COL13A1: variants seen among roughly 807,000 people sequenced by gnomAD.
COL13A1 encodes collagen type XIII alpha 1 chain, also known as collagen alpha-1(XIII) chain.
Under a neutral mutation model 130.9 loss-of-function variants are expected in COL13A1, and 89 were observed. The ratio of observed to expected loss-of-function variants is 0.68; its 90% CI spans 0.57 to 0.81. COL13A1 has a LOEUF of 0.81. COL13A1 is among the 30% of genes least tolerant of loss of function. COL13A1 has a pLI of 0.00. For missense variants in COL13A1, 879 were observed against 934.6 expected, an observed-to-expected ratio of 0.94 and a Z score of 0.78; for synonymous variants, 402 against 341.6, an observed-to-expected ratio of 1.18 and a Z score of -1.95.
At chr10:69,870,319 G>T (rs2058934855) in intron 3 of COL13A1, among the ~76,000 whole-genome samples, 1 of 149,008 alleles carries the variant, frequency 6.7e-6, no homozygotes, top group African/African-American at 2.5e-5. Context: ...ACTTTTTTGG[G>T]TGAGAGAGTG....
intron 1 of COL13A1, among the ~76,000 whole-genome samples, chr10:69,803,148 C>T (rs937422988): frequency 3.3e-5 from 5 of 152,176 alleles, no homozygotes; most frequent in African/African-American, 1.2e-4. Context: ...ATGGCCCTCC[C>T]CCTCCACCCC....
intron 17 of COL13A1, among the ~76,000 whole-genome samples, chr10:69,912,428 C>T (rs1288317874): frequency 6.6e-6 from 1 of 152,122 alleles, no homozygotes; most frequent in Non-Finnish European, 1.5e-5. Context: ...GCCTTTTTCC[C>T]GGAAGGAAGA....
At chr10:69,863,684 C>A (rs1304470890) in intron 2 of COL13A1, among the ~76,000 whole-genome samples, 1 of 152,136 alleles carries the variant, frequency 6.6e-6, no homozygotes, top group Admixed American at 6.5e-5. Flanking sequence ...CCCCTTCCAC[C>A]CCTGAGAACT....
At chr10:69,833,961 A>G (rs1053354383) in intron 2 of COL13A1, among the ~76,000 whole-genome samples, 7 of 152,138 alleles carry the variant, frequency 4.6e-5, no homozygotes, top group African/African-American at 1.7e-4. Flanking sequence ...GGTTTCTCAG[A>G]GGGATGTGAT....
At chr10:69,889,717 C>T (rs1371315174) in intron 10 of COL13A1, among the ~76,000 whole-genome samples, 1 of 116,098 alleles carries the variant, frequency 8.6e-6, no homozygotes, top group African/African-American at 3.0e-5. Context: ...GTCCAGCTTA[C>T]TGCTCTCAAA....
chr10:69,911,366 A>T (rs997115008), intron 17 of COL13A1, among the ~76,000 whole-genome samples: 2 of 152,378 alleles, frequency 1.3e-5, no homozygotes, highest in South Asian at 4.1e-4. Flanking sequence ...CTTTGCATGC[A>T]TCAACTTATT....
chr10:69,888,048 G>A (rs1240977914), intron 8 of COL13A1, among the ~76,000 whole-genome samples: 1 of 152,192 alleles, frequency 6.6e-6, no homozygotes, highest in African/African-American at 2.4e-5. Context: ...TGACATTAAT[G>A]GGGAGGCCAC....
intron 15 of COL13A1, 46 bp downstream of exon 15, chr10:69,902,901 C>G (rs2062353494): frequency 7.1e-7 from 1 of 1,408,438 alleles, no homozygotes; most frequent in Non-Finnish European, 9.5e-7. Context: ...CCCAAGAACT[C>G]TCTGGAAACC....
chr10:69,938,193 C>T (rs551838135), intron 34 of COL13A1, among the ~76,000 whole-genome samples: 2 of 152,286 alleles, frequency 1.3e-5, no homozygotes, highest in South Asian at 4.2e-4. Flanking sequence ...TCCCAGCAGG[C>T]CAAGGCCGTT....
chr10:69,858,019 G>A (rs1044066521), intron 2 of COL13A1, among the ~76,000 whole-genome samples: 1 of 149,044 alleles, frequency 6.7e-6, no homozygotes, highest in Non-Finnish European at 1.5e-5. Context: ...AAGAGGCTGA[G>A]GTAGAAGAAT....
chr10:69,816,718 A>G (rs1219409345), intron 1 of COL13A1, among the ~76,000 whole-genome samples: 1 of 152,098 alleles, frequency 6.6e-6, no homozygotes, highest in Non-Finnish European at 1.5e-5. Context: ...AAGTGCCCCG[A>G]GGAAGAAGGG....
chr10:69,918,594 C>T (rs1172844291), intron 19 of COL13A1, among the ~76,000 whole-genome samples: 1 of 152,216 alleles, frequency 6.6e-6, no homozygotes, highest in African/African-American at 2.4e-5. Flanking sequence ...CAGATCTTTC[C>T]TTTATGCTCT....
At chr10:69,833,658 T>G (rs1002032619) in intron 2 of COL13A1, among the ~76,000 whole-genome samples, 7 of 152,148 alleles carry the variant, frequency 4.6e-5, no homozygotes, top group African/African-American at 1.7e-4. Flanking sequence ...GAATGGCAAG[T>G]AAGATTTCAG....
intron 10 of COL13A1, among the ~76,000 whole-genome samples, chr10:69,889,764 C>T (rs999829778): frequency 6.6e-6 from 1 of 152,224 alleles, no homozygotes; most frequent in Non-Finnish European, 1.5e-5. Flanking sequence ...AAGGTTTCAT[C>T]TGCACTCACA....
At chr10:69,944,031 C>T (rs575445167) in intron 35 of COL13A1, 94 bp from the exon 36 acceptor site, 2 of 1,020,082 alleles carry the variant, frequency 2.0e-6, no homozygotes, top group Admixed American at 3.8e-5. Context: ...GAAAACTGGG[C>T]CTTGGACCTT....
intron 2 of COL13A1, among the ~76,000 whole-genome samples, chr10:69,864,965 C>G (rs936166394): frequency 1.3e-5 from 2 of 152,232 alleles, no homozygotes; most frequent in African/African-American, 4.8e-5. Flanking sequence ...CTGCAAGAAA[C>G]AGGTTCCTCC....
At chr10:69,887,517 T>C in intron 8 of COL13A1, 26 bp downstream of exon 8, 1 of 1,613,392 alleles carries the variant, frequency 6.2e-7, no homozygotes, top group Non-Finnish European at 8.5e-7. Context: ...TGAAGTTAGC[T>C]GTGTCCCAGG....
intron 17 of COL13A1, among the ~76,000 whole-genome samples, chr10:69,906,516 C>T (rs2062768661): frequency 6.6e-6 from 1 of 152,118 alleles, no homozygotes; most frequent in African/African-American, 2.4e-5. Context: ...CCTTACAGCA[C>T]AGCAGGTCCA....
intron 34 of COL13A1, among the ~76,000 whole-genome samples, chr10:69,940,301 A>G (rs191553656): frequency 1.4e-3 from 216 of 152,342 alleles, no homozygotes; most frequent in African/African-American, 5.0e-3. Flanking sequence ...CTTTGCCTAC[A>G]CAAGAGCCCT....
Sources: allele counts gnomAD v4.1 joint callset (sites outside exome capture counted in the v4.1 genomes callset), GRCh38; gene constraint gnomAD v4.1.1; transcripts MANE v1.5; gene names NCBI Gene and HGNC (gene_info 2026-07-23, HGNC 2026-07-21).